The following ROBO2 variants were observed in gnomAD, a reference collection of about 807,000 sequenced individuals.
ROBO2 encodes the protein roundabout homolog 2.
In ROBO2, 53 loss-of-function variants were observed where a neutral mutation model predicts 160.8. That is an observed-to-expected ratio of 0.33 (90% CI 0.26 to 0.41). ROBO2 has a LOEUF of 0.41. Among genes scored for constraint, ROBO2 ranks in the 10% least tolerant of loss-of-function variants. ROBO2 has a pLI of 1.00. For missense variants in ROBO2, 1,577 were observed against 1,722.4 expected (o/e 0.92, Z 1.49); for synonymous variants, 664 against 611.7 (o/e 1.09, Z -1.26).
chr3:76,316,196 GA>G (rs1427778439), intron 2 of ROBO2, among the ~76,000 whole-genome samples: 3 of 152,132 alleles, frequency 2.0e-5, no homozygotes, highest in African/African-American at 7.2e-5. Context: ...GGTCTGACCT[GA>G]AATTTACCAG....
At position 77,188,983 on chromosome 3, in the gene ROBO2, G is replaced by GAGAGAGAGAAAGAGAGAGAGAA. The variant is rs1560194731; in HGVS notation, c.388+90652_388+90653insAAGAGAGAGAGAAAGAGAGAGA. Among the ~76,000 whole-genome samples the GAGAGAGAGAAAGAGAGAGAGAA allele has an allele frequency of 4.0e-3, 599 of 148,442 alleles. 5 individuals carry two copies. The highest frequency in any genetic ancestry group is 0.014 in the African/African-American group (570 of 40,730). On this transcript the variant is annotated intron_variant, in intron 2 of 25. Transcript: ENST00000461745. ...TGTGTGTGTGTGAGAGAGAGAGAGA[G>GAGAGAGAGAAAGAGAGAGAGAA]AGAGAGAGAGAAAGAGAGAGACTTG...
intron 22 of ROBO2, 32 bp from the exon 24 acceptor site, chr3:77,622,195 C>A (rs1194057678): frequency 6.9e-6 from 11 of 1,598,010 alleles, no homozygotes; most frequent in Non-Finnish European, 8.6e-6. Context: ...TAATAAGTTG[C>A]TTTTCTTTTT....
intron 2 of ROBO2, among the ~76,000 whole-genome samples, chr3:76,593,365 G>A (rs1326730982): frequency 6.6e-6 from 1 of 151,978 alleles, no homozygotes; most frequent in African/African-American, 2.4e-5. Context: ...CCTAAAAAAT[G>A]AGACTATCAG....
At chr3:76,401,893 T>C (rs1313302159) in intron 2 of ROBO2, among the ~76,000 whole-genome samples, 1 of 151,518 alleles carries the variant, frequency 6.6e-6, no homozygotes, top group Non-Finnish European at 1.5e-5. Flanking sequence ...GAATTCATCA[T>C]AGCCTAGAAT....
At chr3:76,135,163 T>C (rs1439329894) in intron 2 of ROBO2, among the ~76,000 whole-genome samples, 1 of 151,978 alleles carries the variant, frequency 6.6e-6, no homozygotes, top group Non-Finnish European at 1.5e-5. Flanking sequence ...TCCCCTTGCA[T>C]CTCATTGGCC....
intron 23 of ROBO2, among the ~76,000 whole-genome samples, chr3:77,624,060 G>GA (rs1287532394): frequency 6.6e-6 from 1 of 151,942 alleles, no homozygotes; most frequent in African/African-American, 2.4e-5. Context: ...TTATTGCTGA[G>GA]AAAAAAAGTC....
intron 2 of ROBO2, among the ~76,000 whole-genome samples, chr3:76,236,732 A>C (rs1309048889): frequency 6.6e-6 from 1 of 152,100 alleles, no homozygotes; most frequent in Non-Finnish European, 1.5e-5. Context: ...AATTCCTTTA[A>C]AGAAAAAAAT....
At chr3:77,637,769 T>A (rs964544516) in intron 24 of ROBO2, among the ~76,000 whole-genome samples, 1 of 152,186 alleles carries the variant, frequency 6.6e-6, no homozygotes, top group Non-Finnish European at 1.5e-5. Context: ...ATATTCAGAA[T>A]ATGTGGAAGA....
At chr3:76,388,416 C>T (rs934624897) in intron 2 of ROBO2, among the ~76,000 whole-genome samples, 3 of 152,026 alleles carry the variant, frequency 2.0e-5, no homozygotes, top group Non-Finnish European at 4.4e-5. Flanking sequence ...GGACTACAGG[C>T]ACCCGCCGCC....
chr3:75,922,302 A>G (rs1313629696), intron 1 of ROBO2, among the ~76,000 whole-genome samples: 1 of 152,178 alleles, frequency 6.6e-6, no homozygotes, highest in Non-Finnish European at 1.5e-5. Flanking sequence ...AATACCATAG[A>G]CAAATATCAC....
intron 2 of ROBO2, among the ~76,000 whole-genome samples, chr3:76,873,516 G>A (rs753876188): frequency 4.6e-5 from 7 of 152,154 alleles, no homozygotes; most frequent in Non-Finnish European, 8.8e-5. Context: ...ACATTGATGG[G>A]TCTTGTACTG....
chr3:76,192,887 C>A (rs1357370764), intron 2 of ROBO2, among the ~76,000 whole-genome samples: 1 of 152,142 alleles, frequency 6.6e-6, no homozygotes, highest in African/African-American at 2.4e-5. Context: ...GTATTTCTTA[C>A]CTTTCATTCA....
intron 2 of ROBO2, among the ~76,000 whole-genome samples, chr3:76,545,300 G>A (rs150962158): frequency 4.6e-4 from 70 of 151,890 alleles, no homozygotes; most frequent in African/African-American, 1.5e-3. Flanking sequence ...TATCTATGTC[G>A]GACAATCAAG....
chr3:76,790,717 C>A (rs2063302808), intron 2 of ROBO2, among the ~76,000 whole-genome samples: 1 of 151,588 alleles, frequency 6.6e-6, no homozygotes, highest in Non-Finnish European at 1.5e-5. Flanking sequence ...ACATATTAAA[C>A]AGTCACTCAA....
At chr3:76,798,580 T>G (rs942695313) in intron 2 of ROBO2, among the ~76,000 whole-genome samples, 2 of 152,148 alleles carry the variant, frequency 1.3e-5, no homozygotes, top group African/African-American at 4.8e-5. Flanking sequence ...TATTGCTTCA[T>G]GATAAAAGCC....
intron 2 of ROBO2, among the ~76,000 whole-genome samples, chr3:77,176,090 G>A (rs2080122336): frequency 6.6e-6 from 1 of 151,846 alleles, no homozygotes; most frequent in South Asian, 2.1e-4. Flanking sequence ...AGAATGAGCT[G>A]GGTAAGAAGA....
intron 2 of ROBO2, among the ~76,000 whole-genome samples, chr3:76,083,990 T>C (rs922361570): frequency 2.6e-5 from 4 of 152,086 alleles, no homozygotes; most frequent in African/African-American, 9.7e-5. Flanking sequence ...TCTTAGTCTA[T>C]TGTTTTTAAT....
intron 2 of ROBO2, among the ~76,000 whole-genome samples, chr3:77,392,695 C>T (rs1376243011): frequency 6.6e-6 from 1 of 152,156 alleles, no homozygotes; most frequent in Non-Finnish European, 1.5e-5. Flanking sequence ...CTGACCTAAT[C>T]CTGCCTCAGG....
chr3:76,048,271 A>C (rs1487943926), intron 2 of ROBO2, among the ~76,000 whole-genome samples: 1 of 152,190 alleles, frequency 6.6e-6, no homozygotes, highest in Non-Finnish European at 1.5e-5. Flanking sequence ...GCAAAGCTCT[A>C]TCTTCTGCTA....
Sources: allele counts gnomAD v4.1 joint callset (sites outside exome capture counted in the v4.1 genomes callset), GRCh38; gene constraint gnomAD v4.1.1; transcripts MANE v1.5; gene names NCBI Gene and HGNC (gene_info 2026-07-23, HGNC 2026-07-21).